Variants in NOM1 observed in about 807,000 individuals in gnomAD.
NOM1 encodes nucleolar protein with MIF4G domain 1.
NOM1 carries 58 observed loss-of-function variants against 73.3 expected under a neutral mutation model. The observed-to-expected ratio is 0.79, with a 90% CI of 0.64 to 0.99. The LOEUF (loss-of-function observed/expected upper bound fraction) is 0.99, where lower values mean the gene tolerates loss of function less well. Among genes scored for constraint, NOM1 ranks in the 50% least tolerant of loss-of-function variants. The pLI, the probability that NOM1 is intolerant of heterozygous loss-of-function variation, is 0.00. For synonymous variants in NOM1, 487 were observed against 446.8 expected (o/e 1.09, Z -1.14); for missense variants, 1,226 against 1,131.9 (o/e 1.08, Z -1.19).
At position 156,950,623 on chromosome 7, in the gene NOM1, G is replaced by A. The variant is rs1024588089; in HGVS notation, c.886G>A (p.Glu296Lys). 6.4e-7 allele frequency: 1 copy of A among 1,562,280 alleles called. No individual in the cohort carries two copies. Among genetic ancestry groups the A allele is most frequent in the Non-Finnish European group, 8.7e-7 (1 of 1,152,800 alleles). Reference sequence around the variant, plus strand: ...AGAAGAGGAACAGGGGGAAGAAAAGGAAAAGGGAGCGCAGGAGAAAAGGAG... The same window carrying A: ...AGAAGAGGAACAGGGGGAAGAAAAGAAAAAGGGAGCGCAGGAGAAAAGGAG... ...DTEEEQGEEK[E>K]KGAQEKRRGK... The change falls in exon 1 of 11, where the codon GAA becomes AAA. Residue 296 changes from glutamate (E) to lysine (K), a missense_variant. By Grantham distance (56) the Glu-to-Lys change is moderately conservative. Transcript: ENST00000275820.
chr7:156,967,770 T>A (rs1002630167), intron 9 of NOM1, among the ~76,000 whole-genome samples: 3 of 152,066 alleles, frequency 2.0e-5, no homozygotes, highest in African/African-American at 7.2e-5. Flanking sequence ...TGATCTGCCC[T>A]CCTCAGCCTC....
At position 156,966,402 on chromosome 7, in the gene NOM1, G is replaced by C. The variant is rs761147127; in HGVS notation, c.2166G>C (p.Gln722His). ...TCTGTGAATATGAAAGGAGATTTCA[G>C]GTAGCTTAGTGCGGAGGCACCAGTT... ...SKFCEYERRF[Q>H]MTFQFSIWDK... Residue 722 changes from glutamine to histidine, a missense_variant and splice_region_variant, in exon 8 of 11, where the codon CAG becomes CAC. Physicochemically the swap from Gln to His is conservative, Grantham distance 24. Transcript: ENST00000275820. 1.6e-5 allele frequency: 26 copies of C among 1,613,968 alleles called. No homozygotes were observed. The highest frequency in any genetic ancestry group is 2.7e-5 in the African/African-American group (2 of 74,938).
chr7:156,952,474 A>G lies in NOM1; in HGVS notation c.988A>G (p.Ser330Gly), dbSNP rs1804618313. 6.2e-7 allele frequency: 1 copy of G among 1,607,556 alleles called. No individual in the cohort carries two copies. The highest frequency in any genetic ancestry group is 8.5e-7 in the Non-Finnish European group (1 of 1,178,366). The change falls in exon 2 of 11, where the codon AGT (serine) becomes GGT (glycine). Residue 330 changes from serine to glycine, a missense_variant and splice_region_variant. Transcript: ENST00000275820. ...GTAATTTATTTCTCTTTTCAAGCAG[A>G]GTCTTTGTGGAAGTGGTGAAAAGTA... is the stretch of plus-strand genomic sequence containing the variant. ...SSEDGDITDK[S>G]LCGSGEKYIP... is the part of the protein sequence containing the mutation.
Position 156,949,728 on chromosome 7 carries a change from G to A in NOM1, c.-10G>A. Reference sequence around the variant, plus strand: ...TCGGCCGGAAGTCGTGCGTCCACGCGTTTCGAAAGATGGCGGCGTCCAGGA... The same window carrying A: ...TCGGCCGGAAGTCGTGCGTCCACGCATTTCGAAAGATGGCGGCGTCCAGGA... On this transcript the variant is annotated 5_prime_UTR_variant, in exon 1 of 11. Transcript: ENST00000275820. The A allele has an allele frequency of 7.4e-7, 1 of 1,351,958 alleles. No individual in the cohort carries two copies. Among genetic ancestry groups the A allele is most frequent in the Non-Finnish European group, 9.5e-7 (1 of 1,057,434 alleles). 83.7% of individuals were successfully genotyped at this position (1,351,958 alleles called of 1,614,324 possible).
At chr7:156,968,703 A>ATATATATATATATATATATATACACG (rs1805067287) in intron 9 of NOM1, 1 of 12,022 alleles carries the variant, frequency 8.3e-5, no homozygotes, top group African/African-American at 3.4e-4. Context: ...ATATATATAT[A>ATATATATATATATATATATATACACG]TATATATATA....
At chr7:156,965,634 C>T (rs1164783732) in intron 7 of NOM1, among the ~76,000 whole-genome samples, 6 of 152,184 alleles carry the variant, frequency 3.9e-5, no homozygotes, top group Admixed American at 6.5e-5. Context: ...TTACAAACGA[C>T]GGCAGGCACC....
At position 156,967,056 on chromosome 7, in the gene NOM1, G is replaced by A; in HGVS notation, c.2262G>A (p.Leu754=). Reference sequence around the variant, plus strand: ...ATTTGGTTCATCTGGTGGCCCACTTGTTGAAGACAAAATCGCTTTCCCTTT... The same window carrying A: ...ATTTGGTTCATCTGGTGGCCCACTTATTGAAGACAAAATCGCTTTCCCTTT... The part of the protein sequence containing the change: ...FSNLVHLVAH[L]LKTKSLSLSI... The change falls in exon 9 of 11, where the codon TTG becomes TTA. Residue 754 remains leucine (L), a synonymous_variant. Transcript: ENST00000275820. 1 of 1,613,106 alleles carries A rather than the reference G, an allele frequency of 6.2e-7. No homozygotes were observed.
intron 5 of NOM1, among the ~76,000 whole-genome samples, chr7:156,962,568 C>G (rs1350217178): frequency 6.6e-6 from 1 of 152,194 alleles, no homozygotes; most frequent in Non-Finnish European, 1.5e-5. Context: ...GGCCAAGTCC[C>G]CATCCGGACC....
intron 1 of NOM1, among the ~76,000 whole-genome samples, chr7:156,951,252 G>T (rs1804584999): frequency 6.6e-6 from 1 of 152,176 alleles, no homozygotes; most frequent in South Asian, 2.1e-4. Flanking sequence ...ACAAAAAACA[G>T]CCGGGCGTGG....
At position 156,949,754 on chromosome 7, in the gene NOM1, G is replaced by T. The variant is rs865834507; in HGVS notation, c.17G>T (p.Ser6Ile). 2 of 1,392,804 alleles carry T rather than the reference G, an allele frequency of 1.4e-6. No homozygotes were observed. The highest frequency in any genetic ancestry group is 1.5e-5 in the African/African-American group (1 of 66,182). 86.3% of individuals were successfully genotyped at this position (1,392,804 alleles called of 1,614,324 possible). Residue 6 changes from serine (S) to isoleucine (I), a missense_variant, in exon 1 of 11, where the codon AGC (serine) becomes ATC (isoleucine). By Grantham distance (142) the Ser-to-Ile change is moderately radical. Transcript: ENST00000275820. ...TTTCGAAAGATGGCGGCGTCCAGGAGCGCGGGAGAGGCCGGCCCGGGCGGC... is the reference window on the plus strand; with the variant it reads ...TTTCGAAAGATGGCGGCGTCCAGGATCGCGGGAGAGGCCGGCCCGGGCGGC... MAASR[S>I]AGEAGPGGSQ...
intron 2 of NOM1, among the ~76,000 whole-genome samples, 186 bp from the exon 3 acceptor site, chr7:156,953,917 A>C (rs1448398514): frequency 1.3e-5 from 2 of 152,200 alleles, no homozygotes; most frequent in Non-Finnish European, 2.9e-5. Context: ...GGGATTCCAG[A>C]ATATTATCTG....
chr7:156,953,979 G>T, intron 2 of NOM1, 124 bp from the exon 3 acceptor site: 1 of 725,578 alleles, frequency 1.4e-6, no homozygotes, highest in Non-Finnish European at 2.3e-6. Flanking sequence ...ATAGTTAAGG[G>T]GTCAAAAGTG....
chr7:156,961,421 C>T (rs1586571346), intron 4 of NOM1, among the ~76,000 whole-genome samples: 1 of 152,104 alleles, frequency 6.6e-6, no homozygotes, highest in Middle Eastern at 3.4e-3. Flanking sequence ...GCAGCGGGCT[C>T]AATGGTGGTT....
chr7:156,960,585 C>T (rs997947325), intron 4 of NOM1, among the ~76,000 whole-genome samples: 1 of 152,030 alleles, frequency 6.6e-6, no homozygotes, highest in African/African-American at 2.4e-5. Context: ...TGTGTGGAAC[C>T]GCGTGTTCCT....
At chr7:156,960,429 A>G (rs1490013640) in intron 4 of NOM1, among the ~76,000 whole-genome samples, 2 of 152,222 alleles carry the variant, frequency 1.3e-5, no homozygotes, top group South Asian at 2.1e-4. Context: ...GCCACAGGAC[A>G]TGGGGCTCTA....
chr7:156,950,239 G>A lies in NOM1; in HGVS notation c.502G>A (p.Ala168Thr). Residue 168 changes from alanine (A) to threonine (T), a missense_variant, in exon 1 of 11, where the codon GCC becomes ACC. Ala to Thr is a moderately conservative substitution (Grantham distance 58). Transcript: ENST00000275820. Reference protein sequence around the residue: ...AKTRPSAAATAAARKRALLAA... With the variant: ...AKTRPSAAATTAARKRALLAA... ...GACCAGACCCTCCGCAGCCGCCACC[G>A]CCGCTGCCCGGAAACGGGCGCTTTT... 3 of 1,613,078 alleles carry A rather than the reference G, an allele frequency of 1.9e-6. No individual in the cohort carries two copies. Among genetic ancestry groups the A allele is most frequent in the African/African-American group, 2.7e-5 (2 of 75,080 alleles).
rs182199841 is a variant in NOM1, at chr7:156,963,768, C to T, written c.1912-137C>T. The T allele has an allele frequency of 6.3e-4, 605 of 954,958 alleles. 1 individual carries two copies. In the African/African-American group the frequency reaches 8.9e-3, roughly 14 times the overall value. The allele number at this position is 954,958 out of a possible 1,614,324, so 59.2% of individuals were successfully genotyped here. A position where few individuals can be genotyped will look rare whatever the true frequency, so the allele number is the denominator to read the frequency against. ...TCCCCTTGCACAGAGGGGCGTTGCC[C>T]GAGAGTGGACTTGGTGCCATCCGCC... On this transcript the variant is annotated intron_variant, in intron 6 of 10. Coordinates refer to ENST00000275820, the MANE Select transcript of NOM1 (RefSeq NM_138400.2).
intron 3 of NOM1, among the ~76,000 whole-genome samples, chr7:156,955,158 C>T (rs1450983768): frequency 6.6e-6 from 1 of 152,200 alleles, no homozygotes; most frequent in Non-Finnish European, 1.5e-5. Flanking sequence ...ACCCCCACAT[C>T]CCTTTCGTAT....
intron 7 of NOM1, among the ~76,000 whole-genome samples, chr7:156,965,431 T>G (rs10949618): frequency 0.76 from 115,760 of 152,184 alleles, 44,134 homozygotes; most frequent in Admixed American, 0.84. Context: ...AGAGGCAGAG[T>G]CAAAACTAGA....
Sources: gnomAD v4.1 joint callset for allele counts (sites outside exome capture counted in the v4.1 genomes callset) on GRCh38, gnomAD v4.1.1 for gene constraint, MANE v1.5 for transcripts, NCBI Gene and HGNC (gene_info 2026-07-23, HGNC 2026-07-21) for gene names.